DOCK2: variants seen among roughly 807,000 people sequenced by gnomAD.
DOCK2 encodes dedicator of cytokinesis 2.
A neutral mutation model predicts 248.9 loss-of-function variants in DOCK2; 87 were observed. The observed-to-expected ratio is 0.35, with a 90% CI of 0.29 to 0.42. The LOEUF (loss-of-function observed/expected upper bound fraction) is 0.42. Among genes scored for constraint, DOCK2 ranks in the 10% least tolerant of loss-of-function variants. The probability of loss-of-function intolerance (pLI) is 1.00; values close to 1 mark genes in which losing one functional copy is unlikely to be tolerated. For missense variants in DOCK2, 1,747 were observed against 2,300.2 expected (o/e 0.76, Z 4.92); for synonymous variants, 805 against 821.6 (o/e 0.98, Z 0.35).
At chr5:169,723,683 C>A (rs1762321538) in intron 22 of DOCK2, among the ~76,000 whole-genome samples, 1 of 152,162 alleles carries the variant, frequency 6.6e-6, no homozygotes, top group South Asian at 2.1e-4. Flanking sequence ...AACTCCCTCA[C>A]CATTTTTATA....
At chr5:169,769,841 A>C (rs765957115) in intron 25 of DOCK2, among the ~76,000 whole-genome samples, 6 of 152,200 alleles carry the variant, frequency 3.9e-5, no homozygotes, top group Non-Finnish European at 7.3e-5. Flanking sequence ...TTGACATATC[A>C]TTCTAGCATT....
chr5:169,882,918 T>C, intron 27 of DOCK2: 7 of 1,552,042 alleles, frequency 4.5e-6, no homozygotes, highest in Non-Finnish European at 6.1e-6. Flanking sequence ...AAGGACAGTC[T>C]GAGGCTCTTC....
intron 27 of DOCK2, among the ~76,000 whole-genome samples, chr5:169,944,117 T>G (rs1296147284): frequency 6.6e-6 from 1 of 152,200 alleles, no homozygotes; most frequent in African/African-American, 2.4e-5. Context: ...TAACCATGGC[T>G]CCCTTTGAGG....
intron 9 of DOCK2, among the ~76,000 whole-genome samples, chr5:169,694,419 A>G (rs539729933): frequency 3.3e-5 from 5 of 152,286 alleles, no homozygotes; most frequent in Admixed American, 2.6e-4. Context: ...TTCCTCCTGC[A>G]TGCCTTTCTG....
chr5:169,742,843 A>T (rs1763393178), intron 22 of DOCK2, among the ~76,000 whole-genome samples: 1 of 152,200 alleles, frequency 6.6e-6, no homozygotes, highest in Non-Finnish European at 1.5e-5. Context: ...CGCTATATTT[A>T]TCCAAGCCCT....
intron 51 of DOCK2, among the ~76,000 whole-genome samples, 184 bp from the exon 52 acceptor site, chr5:170,082,612 C>G (rs1468391853): frequency 6.6e-6 from 1 of 152,168 alleles, no homozygotes; most frequent in Non-Finnish European, 1.5e-5. Context: ...GCTAGTGAGC[C>G]TGGGCTCACT....
chr5:169,770,323 T>C (rs1020303094), intron 25 of DOCK2, among the ~76,000 whole-genome samples: 1 of 134,590 alleles, frequency 7.4e-6, no homozygotes, highest in Admixed American at 8.2e-5. Context: ...TGAGACAGGG[T>C]CTTGCTTTGT....
chr5:170,012,634 TGGTTAAGGAGCCAGCCACTCAGG>T (rs1371163295), intron 32 of DOCK2, among the ~76,000 whole-genome samples: 1 of 152,168 alleles, frequency 6.6e-6, no homozygotes, highest in Non-Finnish European at 1.5e-5. Context: ...AGACAACATG[TGGTTAAGGAGCCAGCCACTCAGG>T]GGTTAATGGC....
intron 27 of DOCK2, among the ~76,000 whole-genome samples, chr5:169,934,023 C>T (rs1775876736): frequency 1.3e-5 from 2 of 152,184 alleles, no homozygotes; most frequent in Non-Finnish European, 2.9e-5. Flanking sequence ...GCATTTAGGG[C>T]AGAGCATGCC....
At chr5:169,672,955 G>A (rs931853545) in intron 5 of DOCK2, among the ~76,000 whole-genome samples, 5 of 152,130 alleles carry the variant, frequency 3.3e-5, no homozygotes, top group East Asian at 3.8e-4. Context: ...CCGTGTCCTC[G>A]GCACACCACC....
At chr5:169,784,070 T>TA (rs1765855277) in intron 25 of DOCK2, among the ~76,000 whole-genome samples, 1 of 152,142 alleles carries the variant, frequency 6.6e-6, no homozygotes, top group African/African-American at 2.4e-5. Flanking sequence ...GATGTGCAGG[T>TA]ATATATTTTG....
chr5:170,019,221 A>C, intron 33 of DOCK2, 113 bp downstream of exon 33: 1 of 1,515,946 alleles, frequency 6.6e-7, no homozygotes, highest in Admixed American at 1.8e-5. Flanking sequence ...CGGCGGCAGG[A>C]TAGGGACATT....
chr5:169,836,787 C>T (rs116077180), intron 26 of DOCK2, among the ~76,000 whole-genome samples: 2,567 of 151,886 alleles, frequency 0.017, 39 homozygotes, highest in Non-Finnish European at 0.022. Flanking sequence ...CATATAATCA[C>T]CAAAACGAGA....
chr5:170,020,205 A>G (rs74557332), intron 33 of DOCK2, among the ~76,000 whole-genome samples: 3,594 of 152,104 alleles, frequency 0.024, 155 homozygotes, highest in African/African-American at 0.083. Context: ...CCTGAATGGC[A>G]TTGCCTCTGT....
At chr5:170,061,653 A>G (rs1757331217) in intron 44 of DOCK2, among the ~76,000 whole-genome samples, 1 of 152,244 alleles carries the variant, frequency 6.6e-6, no homozygotes, top group East Asian at 1.9e-4. Context: ...AATTATTTTC[A>G]TTCTCTTTCT....
intron 27 of DOCK2, among the ~76,000 whole-genome samples, chr5:169,867,032 C>A (rs1771609667): frequency 6.6e-6 from 1 of 152,214 alleles, no homozygotes; most frequent in Non-Finnish European, 1.5e-5. Context: ...GTTGGGGTTC[C>A]CAAAACCCCT....
Position 169,733,599 on chromosome 5 carries a change from C to T in DOCK2, c.2268-13797C>T, listed in dbSNP as rs1470997568. Among the ~76,000 whole-genome samples, 5 of 151,942 alleles carry T rather than the reference C, an allele frequency of 3.3e-5. No individual in the cohort carries two copies. In the South Asian group the frequency reaches 1.0e-3, roughly 31 times the overall value. On this transcript the variant is annotated intron_variant, in intron 22 of 51. Transcript: ENST00000520908. ...CATTTCATATTTGCTTACTTTCTTT[C>T]TGAAGTTAATCTTGTAGACTTAACT... is the stretch of plus-strand genomic sequence containing the variant.
At chr5:169,862,639 C>T (rs932587276) in intron 27 of DOCK2, among the ~76,000 whole-genome samples, 45 of 152,202 alleles carry the variant, frequency 3.0e-4, no homozygotes, top group African/African-American at 1.1e-3. Flanking sequence ...TGGGCTTAAA[C>T]ATTACACTAG....
Position 169,895,823 on chromosome 5 carries a change from G to C in DOCK2, c.2799+54971G>C, listed in dbSNP as rs142146537. Among the ~76,000 whole-genome samples, 1,252 of 152,292 alleles carry C rather than the reference G, an allele frequency of 8.2e-3. 17 individuals are homozygous for C. The highest frequency in any genetic ancestry group is 0.029 in the African/African-American group (1,188 of 41,554). On this transcript the variant is annotated intron_variant, in intron 27 of 51. Coordinates refer to ENST00000520908, the MANE Select transcript of DOCK2 (RefSeq NM_004946.3). ...GTTTCCTCATTTGAAAATGAAAGGAGCATTTGGCTCACATAACGCAGTGCC... is the reference window on the plus strand; with the variant it reads ...GTTTCCTCATTTGAAAATGAAAGGACCATTTGGCTCACATAACGCAGTGCC...
Sources: allele counts gnomAD v4.1 joint callset (sites outside exome capture counted in the v4.1 genomes callset), GRCh38; gene constraint gnomAD v4.1.1; transcripts MANE v1.5; gene names NCBI Gene and HGNC (gene_info 2026-07-23, HGNC 2026-07-21).